GLI3: variants seen among roughly 807,000 people sequenced by gnomAD.
The protein encoded by GLI3 is transcription activator GLI3.
Under a neutral mutation model 100.8 loss-of-function variants are expected in GLI3, and 20 were observed. The observed-to-expected ratio is 0.20, with a 90% CI of 0.14 to 0.29. The LOEUF is 0.29. GLI3 is among the 10% of genes least tolerant of loss of function. GLI3 has a pLI of 1.00. For synonymous variants in GLI3, 938 were observed against 860.5 expected, an observed-to-expected ratio of 1.09 and a Z score of -1.58; for missense variants, 2,040 against 2,128.5, an observed-to-expected ratio of 0.96 and a Z score of 0.82.
intron 10 of GLI3, among the ~76,000 whole-genome samples, chr7:41,986,640 C>G (rs1225568043): frequency 1.3e-5 from 2 of 151,916 alleles, no homozygotes; most frequent in Non-Finnish European, 2.9e-5. Context: ...ATAGGTAAAT[C>G]TATATATTAA....
chr7:42,000,747 G>A (rs1788264082), intron 10 of GLI3, among the ~76,000 whole-genome samples: 1 of 152,174 alleles, frequency 6.6e-6, no homozygotes, highest in African/African-American at 2.4e-5. Context: ...ACCCACAGTG[G>A]AGGCAGCAAG....
intron 6 of GLI3, among the ~76,000 whole-genome samples, chr7:42,042,187 T>C (rs1015055411): frequency 6.6e-6 from 1 of 152,028 alleles, no homozygotes; most frequent in African/African-American, 2.4e-5. Context: ...TAATTTTTTT[T>C]TATTTTTAGC....
At chr7:42,064,472 T>C (rs565442316) in intron 4 of GLI3, among the ~76,000 whole-genome samples, 1 of 152,188 alleles carries the variant, frequency 6.6e-6, no homozygotes, top group Non-Finnish European at 1.5e-5. Context: ...ACATGTATTA[T>C]GAAAACAGAT....
Position 41,966,688 on chromosome 7 carries a change from G to C in GLI3, c.2432-47C>G, listed in dbSNP as rs781047291. The C allele has an allele frequency of 8.8e-6, 14 of 1,597,964 alleles. No individual in the cohort carries two copies. The highest frequency in any genetic ancestry group is 5.0e-5 in the Admixed American group (3 of 59,988). ...GACCATGCGGAGATGAATTCCCTTC[G>C]AGCATGACTTACACCAGGCATGAGC... is the stretch of plus-strand genomic sequence containing the variant. On this transcript the variant is annotated intron_variant, in intron 14 of 14. Coordinates refer to ENST00000395925, the MANE Select transcript of GLI3 (RefSeq NM_000168.6). This position sits in a 1 kb window ranked among gnomAD's most constrained non-coding sequence, Gnocchi z 5.8.
At chr7:42,228,663 C>T (rs1044715455) in intron 1 of GLI3, among the ~76,000 whole-genome samples, 1 of 152,136 alleles carries the variant, frequency 6.6e-6, no homozygotes, top group African/African-American at 2.4e-5. Flanking sequence ...CCCTGAGTGT[C>T]GCATTATAAT....
chr7:42,087,301 C>A (rs1033301697), intron 3 of GLI3, among the ~76,000 whole-genome samples: 1 of 152,212 alleles, frequency 6.6e-6, no homozygotes. Context: ...CAGTTTTCTG[C>A]ATGCTTCCCA....
intron 12 of GLI3, among the ~76,000 whole-genome samples, chr7:41,976,148 AT>A (rs1562665903): frequency 6.6e-6 from 1 of 152,064 alleles, no homozygotes; most frequent in Admixed American, 6.5e-5. Flanking sequence ...TTCTATCTCT[AT>A]GTATCTATCT....
intron 2 of GLI3, among the ~76,000 whole-genome samples, chr7:42,191,656 AT>A (rs1787830189): frequency 2.7e-5 from 3 of 110,972 alleles, no homozygotes; most frequent in African/African-American, 7.0e-5. Context: ...GTTTCAAAAA[AT>A]ATATATATAT....
chr7:42,157,543 G>T (rs1218163423), intron 2 of GLI3, among the ~76,000 whole-genome samples: 1 of 152,042 alleles, frequency 6.6e-6, no homozygotes, highest in African/African-American at 2.4e-5. Context: ...TCGAATTTTT[G>T]GACGAAAGGA....
chr7:42,229,423 A>T (rs545289159), intron 1 of GLI3, among the ~76,000 whole-genome samples: 2 of 152,186 alleles, frequency 1.3e-5, no homozygotes, highest in African/African-American at 2.4e-5. Flanking sequence ...TTAAGTGAGA[A>T]ATTATTCCGT....
chr7:41,984,109 G>A (rs899989540), intron 10 of GLI3, among the ~76,000 whole-genome samples: 2 of 152,158 alleles, frequency 1.3e-5, no homozygotes, highest in Admixed American at 1.3e-4. Flanking sequence ...TTGGGAAGCC[G>A]AGCCCTGGAT....
chr7:41,995,753 AAAGAAAG>A (rs1276705002), intron 10 of GLI3, among the ~76,000 whole-genome samples: 1 of 152,166 alleles, frequency 6.6e-6, no homozygotes, highest in Non-Finnish European at 1.5e-5. Context: ...GAGATGAAGA[AAAGAAAG>A]AAGAAAGGCA....
At chr7:42,214,910 T>C (rs1788345277) in intron 2 of GLI3, among the ~76,000 whole-genome samples, 2 of 149,910 alleles carry the variant, frequency 1.3e-5, no homozygotes, top group Admixed American at 6.7e-5. Context: ...CTTTAGGTTG[T>C]AGATTTCTGA....
chr7:42,076,861 A>C lies in GLI3; in HGVS notation c.368-4T>G, dbSNP rs1380090623. Reference sequence around the variant, plus strand: ...GCAGGGAAAAGATGAGGAGGGTCTGAAAAGAAGAGAGAGCCCAATCTATAT... The same window carrying C: ...GCAGGGAAAAGATGAGGAGGGTCTGCAAAGAAGAGAGAGCCCAATCTATAT... On this transcript the variant is annotated splice_region_variant and splice_polypyrimidine_tract_variant and intron_variant, in intron 3 of 14. Transcript: ENST00000395925. 1 of 1,571,784 alleles carries C rather than the reference A, an allele frequency of 6.4e-7. No individual in the cohort carries two copies. The highest frequency in any genetic ancestry group is 2.2e-5 in the East Asian group (1 of 44,684).
chr7:42,088,698 T>G (rs1321994709), intron 3 of GLI3, among the ~76,000 whole-genome samples: 1 of 152,198 alleles, frequency 6.6e-6, no homozygotes, highest in Admixed American at 6.5e-5. Context: ...AGGAATTCAG[T>G]TTGCCAGCGT....
rs994839671 is a variant in GLI3, at chr7:41,966,190, C to G, written c.2883G>C (p.Gly961=). 6.2e-7 allele frequency: 1 copy of G among 1,604,952 alleles called. No individual in the cohort carries two copies. The highest frequency in any genetic ancestry group is 1.7e-5 in the Admixed American group (1 of 59,666). Residue 961 remains glycine (G), a synonymous_variant, in exon 15 of 15, where the codon GGG becomes GGC. Coordinates refer to ENST00000395925, the MANE Select transcript of GLI3 (RefSeq NM_000168.6). The surrounding 1 kb of genome is among the most constrained non-coding windows in gnomAD (Gnocchi z 5.8). The part of the protein sequence containing the change: ...MSLKTRLALL[G]DALEPGVALP... ...GGGCCACGCCAGGCTCGAGGGCATCCCCGAGCAGCGCCAGGCGCGTCTTCA... is the reference window on the plus strand; with the variant it reads ...GGGCCACGCCAGGCTCGAGGGCATCGCCGAGCAGCGCCAGGCGCGTCTTCA...
At chr7:42,077,370 C>CTT (rs1554323165) in intron 3 of GLI3, among the ~76,000 whole-genome samples, 120 of 110,248 alleles carry the variant, frequency 1.1e-3, no homozygotes, top group African/African-American at 3.5e-3. Flanking sequence ...GCATGTGCTT[C>CTT]TTTTTTTTTT....
At chr7:42,253,020 T>G (rs1789049216) in intron 1 of GLI3, among the ~76,000 whole-genome samples, 1 of 132,710 alleles carries the variant, frequency 7.5e-6, no homozygotes, top group Admixed American at 8.2e-5. Flanking sequence ...GAGAAAGGAT[T>G]TCCAAAGCAA....
intron 10 of GLI3, among the ~76,000 whole-genome samples, chr7:41,993,799 C>T (rs964841695): frequency 6.6e-6 from 1 of 152,212 alleles, no homozygotes; most frequent in African/African-American, 2.4e-5. Flanking sequence ...AATCAGAAGC[C>T]ACAGGAAACG....
Sources: allele counts gnomAD v4.1 joint callset (sites outside exome capture counted in the v4.1 genomes callset), GRCh38; gene constraint gnomAD v4.1.1; non-coding constraint Gnocchi (gnomAD v3.1); transcripts MANE v1.5; gene names NCBI Gene and HGNC (gene_info 2026-07-23, HGNC 2026-07-21).